The following AGBL4 variants were observed in gnomAD, a reference collection of about 807,000 sequenced individuals.
The protein encoded by AGBL4 is AGBL carboxypeptidase 4, also known as cytosolic carboxypeptidase 6.
A neutral mutation model predicts 66.4 loss-of-function variants in AGBL4; 58 were observed. The ratio of observed to expected loss-of-function variants is 0.87; its 90% CI spans 0.71 to 1.09. The LOEUF is 1.09. AGBL4 is among the 50% of genes least tolerant of loss of function. AGBL4 has a pLI of 0.00. For missense variants in AGBL4, 579 were observed against 631.0 expected (o/e 0.92, Z 0.88); for synonymous variants, 234 against 222.9 (o/e 1.05, Z -0.44).
In AGBL4 at chr1:49,739,031, A is replaced by G. The variant is rs562293877; in HGVS notation, c.158-41594T>C. 2.6e-5 allele frequency among the ~76,000 whole-genome samples: 4 copies of G among 152,338 alleles called. No individual in the cohort carries two copies. In the South Asian group the frequency reaches 6.2e-4, roughly 24 times the overall value. ...CTCCAAAGGAACGCAGTTCCTCACC[A>G]ACAATGGAACAAAGCTGGATGGAGA... On this transcript the variant is annotated intron_variant, in intron 2 of 13. Coordinates refer to ENST00000371839, the MANE Select transcript of AGBL4 (RefSeq NM_032785.4).
chr1:49,778,940 T>C (rs1644267673), intron 2 of AGBL4, among the ~76,000 whole-genome samples: 1 of 152,102 alleles, frequency 6.6e-6, no homozygotes, highest in Admixed American at 6.6e-5. Context: ...TGCACATGTA[T>C]CCCCTGAATC....
At chr1:48,940,996 A>G (rs927298280) in intron 5 of AGBL4, among the ~76,000 whole-genome samples, 2 of 152,274 alleles carry the variant, frequency 1.3e-5, no homozygotes, top group East Asian at 3.9e-4. Flanking sequence ...GGGCAGGCAG[A>G]GAAAGGGGAG....
intron 7 of AGBL4, among the ~76,000 whole-genome samples, chr1:48,661,592 G>A (rs1278696062): frequency 5.9e-5 from 9 of 152,180 alleles, no homozygotes; most frequent in Non-Finnish European, 1.2e-4. Flanking sequence ...TATGAACTCA[G>A]CACCATCCAA....
chr1:48,677,874 A>G (rs111409037), intron 6 of AGBL4, among the ~76,000 whole-genome samples: 8 of 152,270 alleles, frequency 5.3e-5, no homozygotes, highest in African/African-American at 1.9e-4. Context: ...ATGGGGAGAT[A>G]CCTCCGGATT....
chr1:48,966,985 G>C (rs12046483), intron 5 of AGBL4, among the ~76,000 whole-genome samples: 13,643 of 151,760 alleles, frequency 0.09, 685 homozygotes, highest in Non-Finnish European at 0.1. Flanking sequence ...AAAAGGGTGG[G>C]TCTCAAAAAG....
intron 1 of AGBL4, among the ~76,000 whole-genome samples, chr1:50,015,362 A>C (rs1661898058): frequency 6.6e-6 from 1 of 152,212 alleles, no homozygotes; most frequent in Non-Finnish European, 1.5e-5. Context: ...GACTTTTTAT[A>C]ATACATCTGT....
intron 3 of AGBL4, among the ~76,000 whole-genome samples, chr1:49,651,063 C>A (rs1645994549): frequency 6.6e-6 from 1 of 152,210 alleles, no homozygotes; most frequent in Non-Finnish European, 1.5e-5. Flanking sequence ...ACAGAATTGT[C>A]TGCTCTGGAA....
intron 3 of AGBL4, among the ~76,000 whole-genome samples, chr1:49,378,119 CACG>C (rs1365925159): frequency 6.6e-6 from 1 of 152,018 alleles, no homozygotes; most frequent in Non-Finnish European, 1.5e-5. Context: ...TGGAGAATTT[CACG>C]ACAACATTGA....
intron 4 of AGBL4, among the ~76,000 whole-genome samples, chr1:49,049,851 T>A (rs1644171639): frequency 1.3e-5 from 2 of 151,988 alleles, no homozygotes; most frequent in Admixed American, 6.6e-5. Flanking sequence ...TAATAATAAT[T>A]ATTATAGTAC....
At chr1:49,461,326 A>G (rs1220305077) in intron 3 of AGBL4, among the ~76,000 whole-genome samples, 1 of 151,174 alleles carries the variant, frequency 6.6e-6, no homozygotes, top group Admixed American at 6.6e-5. Flanking sequence ...GATGGACTGG[A>G]TTAATTAAAA....
chr1:48,539,556 T>C (rs1380423841), intron 12 of AGBL4, 86 bp downstream of exon 12: 2 of 1,037,494 alleles, frequency 1.9e-6, no homozygotes, highest in Non-Finnish European at 2.7e-6. Flanking sequence ...GGATGCTGAG[T>C]GTCAGCAAAA....
At chr1:49,914,926 C>A (rs79869815) in intron 1 of AGBL4, among the ~76,000 whole-genome samples, 8,096 of 152,154 alleles carry the variant, frequency 0.053, 243 homozygotes, top group African/African-American at 0.071. Flanking sequence ...CCCACTCCCA[C>A]AATAATGGCA....
intron 5 of AGBL4, among the ~76,000 whole-genome samples, chr1:48,966,538 A>G (rs1450156517): frequency 6.6e-6 from 1 of 152,158 alleles, no homozygotes; most frequent in African/African-American, 2.4e-5. Flanking sequence ...CAGAGATTGG[A>G]TTTCTCCAAA....
At chr1:49,630,040 G>C (rs1040410379) in intron 3 of AGBL4, among the ~76,000 whole-genome samples, 1 of 152,140 alleles carries the variant, frequency 6.6e-6, no homozygotes, top group African/African-American at 2.4e-5. Context: ...ATGGTCCTCA[G>C]ACCTTGCCTA....
chr1:49,043,326 T>C (rs1040627509), intron 5 of AGBL4, among the ~76,000 whole-genome samples: 1 of 152,120 alleles, frequency 6.6e-6, no homozygotes, highest in Admixed American at 6.6e-5. Context: ...TAGAAGGAGA[T>C]CAGATGTAAG....
chr1:49,963,066 T>C (rs1193388322), intron 1 of AGBL4, among the ~76,000 whole-genome samples: 1 of 152,146 alleles, frequency 6.6e-6, no homozygotes, highest in African/African-American at 2.4e-5. Flanking sequence ...ATGAAGACCA[T>C]AGAACTGAAT....
At position 49,841,929 on chromosome 1, in the gene AGBL4, C is replaced by T. The variant is rs1646003694; in HGVS notation, c.157+9467G>A. On this transcript the variant is annotated intron_variant, in intron 2 of 13. Transcript: ENST00000371839. ...CTGTCTCCACAGACCCAGTGAGAATCTCGGCCTCCTCGAGCGTGTCCTCCA... is the reference window on the plus strand; with the variant it reads ...CTGTCTCCACAGACCCAGTGAGAATTTCGGCCTCCTCGAGCGTGTCCTCCA... 4.9e-6 allele frequency: 3 copies of T among 618,358 alleles called. No individual in the cohort carries two copies. In the Admixed American group the frequency reaches 6.3e-5, roughly 13 times the overall value. 38.3% of individuals were successfully genotyped at this position (618,358 alleles called of 1,614,324 possible). A position where few individuals can be genotyped will look rare whatever the true frequency, so the allele number is the denominator to read the frequency against.
intron 2 of AGBL4, among the ~76,000 whole-genome samples, chr1:49,797,549 T>C (rs1294397600): frequency 3.9e-5 from 6 of 152,072 alleles, no homozygotes; most frequent in South Asian, 2.1e-4. Flanking sequence ...TATCCTCCCA[T>C]GTCAATCTCC....
At chr1:48,684,161 G>A (rs1646495735) in intron 6 of AGBL4, among the ~76,000 whole-genome samples, 1 of 152,222 alleles carries the variant, frequency 6.6e-6, no homozygotes, top group Non-Finnish European at 1.5e-5. Flanking sequence ...TACAGTTAAA[G>A]ACTCATGGGT....
Sources: allele counts gnomAD v4.1 joint callset (sites outside exome capture counted in the v4.1 genomes callset), GRCh38; gene constraint gnomAD v4.1.1; transcripts MANE v1.5; gene names NCBI Gene and HGNC (gene_info 2026-07-23, HGNC 2026-07-21).